The following CATSPER3 variants were observed in gnomAD, a reference collection of about 807,000 sequenced individuals.
The protein encoded by CATSPER3 is cation channel sperm associated 3.
A neutral mutation model predicts 36.6 loss-of-function variants in CATSPER3; 23 were observed. The ratio of observed to expected loss-of-function variants is 0.63; its 90% confidence interval spans 0.45 to 0.89. The LOEUF is 0.89. CATSPER3 is among the 40% of genes least tolerant of loss of function. CATSPER3 has a pLI of 0.00. For missense variants in CATSPER3, 474 were observed against 503.9 expected (o/e 0.94, Z 0.57); for synonymous variants, 172 against 184.1 (o/e 0.93, Z 0.53).
At chr5:134,979,142 T>G (rs1392009955) in intron 2 of CATSPER3, among the ~76,000 whole-genome samples, 4 of 152,022 alleles carry the variant, frequency 2.6e-5, no homozygotes, top group Non-Finnish European at 5.9e-5. Context: ...CAGACTTTAT[T>G]TGTTTGTTTG....
rs943686891 is a variant in CATSPER3, at chr5:135,006,976, G to A, written c.493-981G>A. On this transcript the variant is annotated intron_variant, in intron 3 of 7. Coordinates refer to ENST00000282611, the MANE Select transcript of CATSPER3 (RefSeq NM_178019.3). ...TCACCCCTGCAGGCAGCGCCAAACCGTTCCGCATGGAGGGCAGCCCAGGGC... is the reference window on the plus strand; with the variant it reads ...TCACCCCTGCAGGCAGCGCCAAACCATTCCGCATGGAGGGCAGCCCAGGGC... Among the ~76,000 whole-genome samples the A allele has an allele frequency of 2.0e-5, 3 of 152,128 alleles. No homozygotes were observed. In the South Asian group the frequency reaches 6.2e-4, roughly 31 times the overall value.
In CATSPER3 at chr5:135,008,114, T is replaced by C. The variant is rs759038938; in HGVS notation, c.650T>C (p.Phe217Ser). Residue 217 changes from phenylalanine (F) to serine (S), a missense_variant, in exon 4 of 8, where the codon TTT becomes TCT. Coordinates refer to ENST00000282611, the MANE Select transcript of CATSPER3 (RefSeq NM_178019.3). ...HDNWGNLAAA[F>S]FTLFSLATVD... Reference sequence around the variant, plus strand: ...AACTGGGGGAACCTGGCTGCAGCTTTTTTCACCCTCTTCAGCTTGGCCACG... The same window carrying C: ...AACTGGGGGAACCTGGCTGCAGCTTCTTTCACCCTCTTCAGCTTGGCCACG... 1 of 1,614,118 alleles carries C rather than the reference T, an allele frequency of 6.2e-7. No homozygotes were observed. The highest frequency in any genetic ancestry group is 8.5e-7 in the Non-Finnish European group (1 of 1,180,014).
intron 3 of CATSPER3, among the ~76,000 whole-genome samples, chr5:135,003,986 G>A (rs1329358211): frequency 6.6e-6 from 1 of 152,218 alleles, no homozygotes; most frequent in Non-Finnish European, 1.5e-5. Context: ...ACAAGCCCCA[G>A]TGAGATGAAC....
intron 2 of CATSPER3, among the ~76,000 whole-genome samples, chr5:134,979,473 C>G (rs539927365): frequency 1.3e-5 from 2 of 152,226 alleles, no homozygotes; most frequent in African/African-American, 4.8e-5. Context: ...GACCTGAGAG[C>G]CAGGTGAAGG....
chr5:135,010,261 AGGACCAG>A, intron 6 of CATSPER3, 105 bp from the exon 7 acceptor site: 1 of 935,484 alleles, frequency 1.1e-6, no homozygotes. Context: ...GCTTCCTTCC[AGGACCAG>A]GGTCAGGCCG....
At chr5:134,987,406 T>G (rs1751824580) in intron 2 of CATSPER3, among the ~76,000 whole-genome samples, 1 of 152,096 alleles carries the variant, frequency 6.6e-6, no homozygotes, top group Non-Finnish European at 1.5e-5. Flanking sequence ...TACCAGTCAT[T>G]TAAGGAAAGA....
At chr5:134,997,374 C>T (rs566476725) in intron 3 of CATSPER3, among the ~76,000 whole-genome samples, 37 of 152,308 alleles carry the variant, frequency 2.4e-4, no homozygotes, top group South Asian at 1.2e-3. Context: ...TGTAAACAAA[C>T]GCCTGCCTGT....
intron 3 of CATSPER3, among the ~76,000 whole-genome samples, chr5:134,997,157 C>T (rs142718509): frequency 1.4e-3 from 214 of 152,318 alleles, no homozygotes; most frequent in African/African-American, 4.6e-3. Context: ...CCATCCTTCT[C>T]CAGGTGGGGG....
intron 3 of CATSPER3, among the ~76,000 whole-genome samples, chr5:134,997,088 T>C (rs1206391483): frequency 6.6e-6 from 1 of 152,236 alleles, no homozygotes; most frequent in Non-Finnish European, 1.5e-5. Context: ...CTGCCTTGAA[T>C]CGTGCCCTCA....
intron 1 of CATSPER3, chr5:134,969,179 A>G (rs1751570986): frequency 6.6e-6 from 1 of 152,208 alleles, no homozygotes; most frequent in Non-Finnish European, 1.5e-5. Context: ...ATACTGAGAT[A>G]GACATGTTTA....
In CATSPER3 at chr5:134,996,503, G is replaced by A; in HGVS notation, c.483G>A (p.Gln161=). The part of the protein sequence containing the change: ...LRILKLIGYS[Q]GIRTLITAVG... The stretch of plus-strand genomic sequence containing the variant: ...TCCTCAAGCTTATCGGCTATAGCCA[G>A]GGCATCCGGGTGAGTGCACTGGGGG... The change falls in exon 3 of 8, where the codon CAG becomes CAA. Residue 161 remains glutamine, a synonymous_variant. Coordinates refer to ENST00000282611, the MANE Select transcript of CATSPER3 (RefSeq NM_178019.3). 9 of 1,614,092 alleles carry A rather than the reference G, an allele frequency of 5.6e-6. No homozygotes were observed. The highest frequency in any genetic ancestry group is 7.6e-6 in the Non-Finnish European group (9 of 1,180,042).
chr5:134,994,318 CAT>C (rs1212078535), intron 2 of CATSPER3, among the ~76,000 whole-genome samples: 2 of 152,090 alleles, frequency 1.3e-5, no homozygotes, highest in African/African-American at 2.4e-5. Flanking sequence ...ATAATTTAAA[CAT>C]ATAAAAATGC....
chr5:134,999,482 C>G (rs1751994020), intron 3 of CATSPER3, among the ~76,000 whole-genome samples: 2 of 152,146 alleles, frequency 1.3e-5, no homozygotes, highest in Non-Finnish European at 2.9e-5. Flanking sequence ...GGCATTGAAT[C>G]TATAAATTAC....
At chr5:134,972,079 G>T (rs1326240695) in intron 2 of CATSPER3, among the ~76,000 whole-genome samples, 1 of 152,106 alleles carries the variant, frequency 6.6e-6, no homozygotes, top group African/African-American at 2.4e-5. Flanking sequence ...AGAGAATGAG[G>T]TAGAGAATAA....
At position 134,967,949 on chromosome 5, in the gene CATSPER3, G is replaced by A. The variant is rs760354968; in HGVS notation, c.-43G>A. On this transcript the variant is annotated 5_prime_UTR_variant, in exon 1 of 8. Coordinates refer to ENST00000282611, the MANE Select transcript of CATSPER3 (RefSeq NM_178019.3). Reference sequence around the variant, plus strand: ...GAAAATCCCTAAGCAGAGATTTTCTGTTGGATGCTAAAAGCAAGGAATAAA... The same window carrying A: ...GAAAATCCCTAAGCAGAGATTTTCTATTGGATGCTAAAAGCAAGGAATAAA... 1 of 1,441,718 alleles carries A rather than the reference G, an allele frequency of 6.9e-7. No homozygotes were observed. Among genetic ancestry groups the A allele is most frequent in the South Asian group, 1.1e-5 (1 of 87,576 alleles). The allele number at this position is 1,441,718 out of a possible 1,614,324, so 89.3% of individuals were successfully genotyped here. A position where few individuals can be genotyped will look rare whatever the true frequency, so the allele number is the denominator to read the frequency against.
rs1752114353 is a variant in CATSPER3, at chr5:135,008,085, T to C, written c.621T>C (p.His207=). Residue 207 remains histidine (H), a synonymous_variant, in exon 4 of 8, where the codon CAT becomes CAC. Transcript: ENST00000282611. The stretch of plus-strand genomic sequence containing the variant: ...TTGGATCTCCAGACAATGGTGACCA[T>C]GATAACTGGGGGAACCTGGCTGCAG... ...CLFGSPDNGD[H]DNWGNLAAAF... is the part of the protein sequence containing the mutation. 6.2e-7 allele frequency: 1 copy of C among 1,614,188 alleles called. No individual in the cohort carries two copies. The highest frequency in any genetic ancestry group is 8.5e-7 in the Non-Finnish European group (1 of 1,180,020).
Position 135,010,513 on chromosome 5 carries a change from G to C in CATSPER3, c.1077G>C (p.Gln359His). ...TCTACTTTTCCACTCTGGACTACCA[G>C]GACACAACTGTCCACAAGTCAGTTC... is the stretch of plus-strand genomic sequence containing the variant. ...IDIYFSTLDY[Q>H]DTTVHKLQEL... The change falls in exon 7 of 8, where the codon CAG (glutamine) becomes CAC (histidine). Residue 359 changes from glutamine to histidine, a missense_variant. Coordinates refer to ENST00000282611, the MANE Select transcript of CATSPER3 (RefSeq NM_178019.3). 1 of 1,614,148 alleles carries C rather than the reference G, an allele frequency of 6.2e-7. No individual in the cohort carries two copies. The highest frequency in any genetic ancestry group is 8.5e-7 in the Non-Finnish European group (1 of 1,179,984).
At chr5:135,004,104 C>T (rs953416810) in intron 3 of CATSPER3, among the ~76,000 whole-genome samples, 3 of 152,336 alleles carry the variant, frequency 2.0e-5, no homozygotes, top group Non-Finnish European at 2.9e-5. Flanking sequence ...TCCAGTATTT[C>T]GTCTTTTGGT....
At chr5:134,977,454 G>T (rs1219550170) in intron 2 of CATSPER3, among the ~76,000 whole-genome samples, 1 of 152,092 alleles carries the variant, frequency 6.6e-6, no homozygotes, top group African/African-American at 2.4e-5. Context: ...GGATAACAAG[G>T]GTGACCTTTA....
Sources: allele counts gnomAD v4.1 joint callset (sites outside exome capture counted in the v4.1 genomes callset), GRCh38; gene constraint gnomAD v4.1.1; transcripts MANE v1.5; gene names NCBI Gene and HGNC (gene_info 2026-07-23, HGNC 2026-07-21).